The following MBTPS1 variants were observed in gnomAD, a reference collection of about 807,000 sequenced individuals.
MBTPS1 encodes the protein membrane-bound transcription factor site-1 protease.
MBTPS1 carries 94 observed loss-of-function variants against 127.8 expected under a neutral mutation model. The observed-to-expected ratio is 0.74, with a 90% CI of 0.62 to 0.87. The LOEUF is 0.87. MBTPS1 is among the 40% of genes least tolerant of loss of function. MBTPS1 has a pLI of 0.00. For missense variants in MBTPS1, 1,636 were observed against 1,353.2 expected (o/e 1.21, Z -3.28); for synonymous variants, 632 against 509.4 (o/e 1.24, Z -3.24).
chr16:84,072,744 C>T (rs952937710), intron 12 of MBTPS1, among the ~76,000 whole-genome samples: 11 of 152,112 alleles, frequency 7.2e-5, no homozygotes, highest in African/African-American at 1.2e-4. Flanking sequence ...GAGCCGAGAT[C>T]GTGCCACTGC....
chr16:84,055,308 C>G (rs1454232493), intron 22 of MBTPS1, among the ~76,000 whole-genome samples: 1 of 152,148 alleles, frequency 6.6e-6, no homozygotes, highest in Non-Finnish European at 1.5e-5. Context: ...ACAGGGGTGC[C>G]CCTTCCTGAT....
At chr16:84,060,436 G>A (rs530197650) in intron 20 of MBTPS1, 16 of 443,632 alleles carry the variant, frequency 3.6e-5, no homozygotes, top group Non-Finnish European at 6.6e-5. Flanking sequence ...AGTGGCGTGA[G>A]GGTCGGGGTG....
At chr16:84,079,122 C>T (rs2085901501) in intron 11 of MBTPS1, among the ~76,000 whole-genome samples, 1 of 152,182 alleles carries the variant, frequency 6.6e-6, no homozygotes, top group African/African-American at 2.4e-5. Flanking sequence ...TGGGACCTCC[C>T]CGCTCTCTTG....
rs780087229 is a variant in MBTPS1, at chr16:84,070,030, AT to A, written c.1790del (p.Asn597MetfsTer9). 29 of 1,556,318 alleles carry A rather than the reference AT, an allele frequency of 1.9e-5. No individual in the cohort carries two copies. Among genetic ancestry groups the A allele is most frequent in the Non-Finnish European group, 2.3e-5 (27 of 1,158,918 alleles). Reference sequence around the variant, plus strand: ...TTACTGTTGAAGTCTGTTCTGCACCATTTTTTGACTAAAAAAAAAGAAAAGA... The same window carrying A: ...TTACTGTTGAAGTCTGTTCTGCACCATTTTTGACTAAAAAAAAAGAAAAGA... ...VASPAETESK[N>X]GAEQTSTVKL... On this transcript the variant is annotated frameshift_variant, in exon 14 of 23. Coordinates refer to ENST00000343411, the MANE Select transcript of MBTPS1 (RefSeq NM_003791.4). LOFTEE classifies it high-confidence loss of function.
intron 18 of MBTPS1, among the ~76,000 whole-genome samples, 160 bp from the exon 19 acceptor site, chr16:84,063,605 G>A (rs1184869412): frequency 6.6e-6 from 1 of 152,152 alleles, no homozygotes; most frequent in Non-Finnish European, 1.5e-5. Context: ...TTAAGAATAA[G>A]CCTTTTAGAA....
Position 84,070,762 on chromosome 16 carries a change from G to C in MBTPS1, c.1608C>G (p.Pro536=). 6.2e-7 allele frequency: 1 copy of C among 1,608,400 alleles called. No individual in the cohort carries two copies. Among genetic ancestry groups the C allele is most frequent in the Non-Finnish European group, 8.5e-7 (1 of 1,176,890 alleles). The change falls in exon 13 of 23, where the codon CCC becomes CCG. Residue 536 remains proline, a synonymous_variant. Coordinates refer to ENST00000343411, the MANE Select transcript of MBTPS1 (RefSeq NM_003791.4). ...TGTTGTCTCCGTTCTGTGGCAAATA[G>C]GGCTGCCAGTCAGGCTGCAGGAAAA... ...GRIVDKPDWQ[P]YLPQNGDNIE...
intron 1 of MBTPS1, among the ~76,000 whole-genome samples, chr16:84,116,255 G>A (rs2086475851): frequency 5.3e-5 from 8 of 152,206 alleles, no homozygotes. Context: ...GCCAAGGCGA[G>A]GCAAGATTTT....
At chr16:84,088,529 C>A (rs1177241518) in intron 8 of MBTPS1, among the ~76,000 whole-genome samples, 3 of 152,196 alleles carry the variant, frequency 2.0e-5, no homozygotes. Flanking sequence ...ATACCACCTT[C>A]CCACCCTCCT....
At chr16:84,068,227 C>T (rs565652674) in intron 15 of MBTPS1, 112 bp downstream of exon 15, 18 of 769,580 alleles carry the variant, frequency 2.3e-5, no homozygotes, top group Admixed American at 1.2e-4. Context: ...GGGCCCACGG[C>T]GCATACTCCC....
intron 1 of MBTPS1, among the ~76,000 whole-genome samples, chr16:84,105,783 G>A (rs1453044120): frequency 1.3e-5 from 2 of 152,152 alleles, no homozygotes; most frequent in African/African-American, 2.4e-5. Flanking sequence ...ACAGCCCAAC[G>A]ACGAGACTGC....
At chr16:84,093,578 G>C (rs980280953) in intron 5 of MBTPS1, 133 bp downstream of exon 5, 9 of 721,510 alleles carry the variant, frequency 1.2e-5, no homozygotes, top group East Asian at 2.7e-5. Context: ...ATTCAGAGCA[G>C]TTTCTGCCAC....
rs117609228 is a variant in MBTPS1, at chr16:84,063,616, T to A, written c.2432-171A>T. Reference sequence around the variant, plus strand: ...AGCCTTAAGAATAAGCCTTTTAGAATAGAAATGTCTTAAGTGCCATTGATT... The same window carrying A: ...AGCCTTAAGAATAAGCCTTTTAGAAAAGAAATGTCTTAAGTGCCATTGATT... On this transcript the variant is annotated intron_variant, in intron 18 of 22. Coordinates refer to ENST00000343411, the MANE Select transcript of MBTPS1 (RefSeq NM_003791.4). 0.029 allele frequency among the ~76,000 whole-genome samples: 4,349 copies of A among 152,360 alleles called. 77 individuals are homozygous for A. Among genetic ancestry groups the A allele is most frequent in the Middle Eastern group, 0.078 (23 of 294 alleles).
intron 3 of MBTPS1, among the ~76,000 whole-genome samples, chr16:84,097,574 T>G (rs1180503085): frequency 6.6e-6 from 1 of 152,178 alleles, no homozygotes; most frequent in Non-Finnish European, 1.5e-5. Flanking sequence ...TGTGCTAAAA[T>G]TAGGCAACTC....
chr16:84,085,333 G>T (rs531678813), intron 9 of MBTPS1, among the ~76,000 whole-genome samples, 199 bp from the exon 10 acceptor site: 19 of 152,188 alleles, frequency 1.2e-4, no homozygotes, highest in Non-Finnish European at 2.5e-4. Flanking sequence ...CTGGGAGGCC[G>T]AGGCAGGTGG....
Position 84,054,162 on chromosome 16 carries a change from G to A in MBTPS1, c.*287C>T, listed in dbSNP as rs1177356210. 7.1e-6 allele frequency: 2 copies of A among 283,388 alleles called. No individual in the cohort carries two copies. The highest frequency in any genetic ancestry group is 1.3e-5 in the Non-Finnish European group (2 of 151,298). The allele number at this position is 283,388 out of a possible 1,614,324, so 17.6% of individuals were successfully genotyped here. A position where few individuals can be genotyped will look rare whatever the true frequency, so the allele number is the denominator to read the frequency against. On this transcript the variant is annotated 3_prime_UTR_variant, in exon 23 of 23. Coordinates refer to ENST00000343411, the MANE Select transcript of MBTPS1 (RefSeq NM_003791.4). ...CTTCCCCTGCAGTCAGAAGACCCCA[G>A]ACAGCCTTTCCAGTTCTCCCGAGTC...
intron 1 of MBTPS1, among the ~76,000 whole-genome samples, chr16:84,115,022 G>A (rs547217832): frequency 6.6e-6 from 1 of 151,690 alleles, no homozygotes; most frequent in African/African-American, 2.4e-5. Flanking sequence ...TCTGCCGCCT[G>A]GGTTCAAGGG....
At chr16:84,057,727 A>G (rs2085542409) in intron 21 of MBTPS1, 1 of 152,264 alleles carries the variant, frequency 6.6e-6, no homozygotes, top group African/African-American at 2.4e-5. Context: ...ACAAGATATG[A>G]AAAGCAAGAT....
In MBTPS1 at chr16:84,054,661, CGGTT is replaced by C. The variant is rs917806471; in HGVS notation, c.2963-20_2963-17del. 6.4e-7 allele frequency: 1 copy of C among 1,562,982 alleles called. No individual in the cohort carries two copies. Among genetic ancestry groups the C allele is most frequent in the Non-Finnish European group, 8.7e-7 (1 of 1,150,484 alleles). On this transcript the variant is annotated splice_polypyrimidine_tract_variant and intron_variant, in intron 22 of 22. Transcript: ENST00000343411. ...GGCATGATCCCTGTAAGAGGACAGC[CGGTT>C]GAACAGGCAGGAACGCCACAGAGCT...
intron 11 of MBTPS1, among the ~76,000 whole-genome samples, chr16:84,077,249 A>AAAAAAAAAAGAGAG (rs1555510714): frequency 1.4e-5 from 2 of 138,782 alleles, no homozygotes; most frequent in Non-Finnish European, 3.1e-5. Flanking sequence ...AAAAAAAAAA[A>AAAAAAAAAAGAGAG]AGAGAGAGAG....
Sources: gnomAD v4.1 joint callset for allele counts (sites outside exome capture counted in the v4.1 genomes callset) on GRCh38, gnomAD v4.1.1 for gene constraint, MANE v1.5 for transcripts, NCBI Gene and HGNC (gene_info 2026-07-23, HGNC 2026-07-21) for gene names.